Variants in ARL8B observed in about 807,000 individuals in gnomAD.
ARL8B encodes the protein ARF like GTPase 8B, also known as ADP-ribosylation factor-like protein 8B.
A neutral mutation model predicts 30.6 loss-of-function variants in ARL8B; 9 were observed. The ratio of observed to expected loss-of-function variants is 0.29; its 90% confidence interval spans 0.18 to 0.51. The LOEUF (loss-of-function observed/expected upper bound fraction) is 0.51. Among genes scored for constraint, ARL8B ranks in the 20% least tolerant of loss-of-function variants. The pLI is 0.97. For synonymous variants in ARL8B, 74 were observed against 76.0 expected (o/e 0.97, Z 0.14); for missense variants, 130 against 227.2 (o/e 0.57, Z 2.75).
chr3:5,169,608 G>T (rs1347584961), intron 1 of ARL8B, among the ~76,000 whole-genome samples: 1 of 150,696 alleles, frequency 6.6e-6, no homozygotes, highest in Non-Finnish European at 1.5e-5. Context: ...ATGTTAGGTG[G>T]TATCTCTTTG....
chr3:5,173,425 A>G (rs1027225717), intron 4 of ARL8B, among the ~76,000 whole-genome samples: 2 of 152,242 alleles, frequency 1.3e-5, no homozygotes, highest in Non-Finnish European at 1.5e-5. Context: ...GATAAGGGAT[A>G]GTAAACCTGT....
intron 1 of ARL8B, among the ~76,000 whole-genome samples, chr3:5,150,150 C>T (rs1433662167): frequency 2.6e-5 from 4 of 151,994 alleles, no homozygotes; most frequent in African/African-American, 7.3e-5. Context: ...ATGTAGAATT[C>T]GTGTTATTCT....
intron 1 of ARL8B, among the ~76,000 whole-genome samples, chr3:5,150,463 A>AAAGTAAATAAAT (rs1553580545): frequency 0.064 from 9,298 of 146,020 alleles, 371 homozygotes; most frequent in East Asian, 0.12. Context: ...AATCCATGTC[A>AAAGTAAATAAAT]AAATAAATAA....
At chr3:5,172,319 C>A in intron 3 of ARL8B, 96 bp downstream of exon 3, 1 of 1,094,176 alleles carries the variant, frequency 9.1e-7, no homozygotes, top group Non-Finnish European at 1.3e-6. Context: ...ATTTTTATCT[C>A]AGGCAGTGAA....
At chr3:5,151,855 C>A (rs1272016840) in intron 1 of ARL8B, among the ~76,000 whole-genome samples, 1 of 151,946 alleles carries the variant, frequency 6.6e-6, no homozygotes, top group African/African-American at 2.4e-5. Flanking sequence ...CTCTTGAGTA[C>A]CTGGGACCAC....
chr3:5,154,376 C>T (rs1028665736), intron 1 of ARL8B, among the ~76,000 whole-genome samples: 33 of 148,840 alleles, frequency 2.2e-4, no homozygotes, highest in Middle Eastern at 6.9e-3. Context: ...CTGTGTTGCC[C>T]GAGGGTGGAG....
At chr3:5,136,869 A>G (rs1385701521) in intron 1 of ARL8B, among the ~76,000 whole-genome samples, 2 of 152,184 alleles carry the variant, frequency 1.3e-5, no homozygotes, top group Non-Finnish European at 2.9e-5. Flanking sequence ...CTCATCGTTC[A>G]GGTCCCAGGT....
chr3:5,123,753 A>G (rs2054204089), intron 1 of ARL8B, among the ~76,000 whole-genome samples: 2 of 152,268 alleles, frequency 1.3e-5, no homozygotes, highest in Admixed American at 1.3e-4. Context: ...CTAATAAAGC[A>G]ACAGGAATGA....
chr3:5,158,894 G>A (rs540457029), intron 1 of ARL8B, among the ~76,000 whole-genome samples: 1 of 152,052 alleles, frequency 6.6e-6, no homozygotes, highest in Non-Finnish European at 1.5e-5. Flanking sequence ...AATTCATTCT[G>A]TTGTTTATGG....
chr3:5,140,678 G>T (rs2054365587), intron 1 of ARL8B, among the ~76,000 whole-genome samples: 1 of 151,978 alleles, frequency 6.6e-6, no homozygotes. Context: ...AATATGCCCT[G>T]AGGGGCTGTA....
chr3:5,171,720 T>G (rs1365926257), intron 2 of ARL8B, among the ~76,000 whole-genome samples: 1 of 152,212 alleles, frequency 6.6e-6, no homozygotes, highest in African/African-American at 2.4e-5. Context: ...TTTCAAAAGG[T>G]TAGGCATTAA....
rs755495217 is a variant in ARL8B, at chr3:5,122,522, A to G, written c.57A>G (p.Glu19=). Reference sequence around the variant, plus strand: ...GGTTCCGTTCGCTCTTCTGGAAGGAAGAGATGGAGCTGACGCTCGTGGGGC... The same window carrying G: ...GGTTCCGTTCGCTCTTCTGGAAGGAGGAGATGGAGCTGACGCTCGTGGGGC... ...LDWFRSLFWK[E]EMELTLVGLQ... The change falls in exon 1 of 7, where the codon GAA becomes GAG. Residue 19 remains glutamate (E), a synonymous_variant. Coordinates refer to ENST00000256496, the MANE Select transcript of ARL8B (RefSeq NM_018184.3). 9.9e-6 allele frequency: 16 copies of G among 1,613,424 alleles called. No homozygotes were observed. The South Asian group carries it at 1.6e-4, about 17-fold the overall frequency.
At chr3:5,129,168 T>G (rs1457182931) in intron 1 of ARL8B, among the ~76,000 whole-genome samples, 2 of 131,188 alleles carry the variant, frequency 1.5e-5, no homozygotes, top group Non-Finnish European at 3.2e-5. Context: ...CTGAACAGTT[T>G]TTGTTTTTTG....
intron 1 of ARL8B, among the ~76,000 whole-genome samples, chr3:5,163,741 G>A (rs1425460122): frequency 6.6e-6 from 1 of 152,068 alleles, no homozygotes; most frequent in Non-Finnish European, 1.5e-5. Context: ...ATGGTGGCAC[G>A]CGCGTGTAAT....
At chr3:5,124,678 A>G (rs530096456) in intron 1 of ARL8B, among the ~76,000 whole-genome samples, 23 of 151,882 alleles carry the variant, frequency 1.5e-4, no homozygotes, top group Admixed American at 7.9e-4. Flanking sequence ...GGCTCTTGCT[A>G]TGTTGCCAGG....
At chr3:5,153,227 G>A (rs1273926921) in intron 1 of ARL8B, among the ~76,000 whole-genome samples, 1 of 152,110 alleles carries the variant, frequency 6.6e-6, no homozygotes, top group Non-Finnish European at 1.5e-5. Flanking sequence ...ATAGGACTTG[G>A]CAGTGTCCCC....
chr3:5,135,952 A>C (rs922479153), intron 1 of ARL8B, among the ~76,000 whole-genome samples: 1 of 150,162 alleles, frequency 6.7e-6, no homozygotes, highest in Non-Finnish European at 1.5e-5. Flanking sequence ...CCGCGTGGCT[A>C]ATTTTTTTGT....
chr3:5,124,393 A>G (rs2054211890), intron 1 of ARL8B, among the ~76,000 whole-genome samples: 1 of 149,868 alleles, frequency 6.7e-6, no homozygotes, highest in African/African-American at 2.5e-5. Context: ...GGCATGAGCC[A>G]CCGTTCCTGG....
At chr3:5,170,089 G>C (rs1316384809) in intron 1 of ARL8B, among the ~76,000 whole-genome samples, 1 of 152,162 alleles carries the variant, frequency 6.6e-6, no homozygotes, top group Non-Finnish European at 1.5e-5. Flanking sequence ...TTAAAAGACA[G>C]ACTTGGAAAT....
Sources: gnomAD v4.1 joint callset for allele counts (sites outside exome capture counted in the v4.1 genomes callset) on GRCh38, gnomAD v4.1.1 for gene constraint, MANE v1.5 for transcripts, NCBI Gene and HGNC (gene_info 2026-07-23, HGNC 2026-07-21) for gene names.